SAMD4B: variants seen among roughly 807,000 people sequenced by gnomAD.
The protein encoded by SAMD4B is protein Smaug homolog 2.
SAMD4B carries 5 observed loss-of-function variants against 74.5 expected under a neutral mutation model. The ratio of observed to expected loss-of-function variants is 0.07; its 90% CI spans 0.04 to 0.14. The LOEUF (loss-of-function observed/expected upper bound fraction) is 0.14, where lower values mean the gene tolerates loss of function less well. Among genes scored for constraint, SAMD4B ranks in the 10% least tolerant of loss-of-function variants. The pLI, the probability that SAMD4B is intolerant of heterozygous loss-of-function variation, is 1.00. For synonymous variants in SAMD4B, 373 were observed against 374.9 expected, an observed-to-expected ratio of 1.00 and a Z score of 0.06; for missense variants, 608 against 921.8, an observed-to-expected ratio of 0.66 and a Z score of 4.41.
chr19:39,349,523 G>A (rs1663037062), intron 1 of SAMD4B, among the ~76,000 whole-genome samples: 1 of 152,158 alleles, frequency 6.6e-6, no homozygotes, highest in South Asian at 2.1e-4. Context: ...CTTTGCTAAT[G>A]CAGTGGTGTA....
rs906950429 is a variant in SAMD4B at position 39,378,156 on chromosome 19, TG to T, written c.1444+336del. On this transcript the variant is annotated intron_variant, in intron 8 of 13. Transcript: ENST00000610417. This position sits in a 1 kb window ranked among gnomAD's most constrained non-coding sequence, Gnocchi z 4.4. ...TCAGAGGGGACCAAAGTCCAGGGGA[TG>T]GGGATGGTGAAATTTATCACAGCTT... is the stretch of plus-strand genomic sequence containing the variant. Among the ~76,000 whole-genome samples, 2 of 152,010 alleles carry T rather than the reference TG, an allele frequency of 1.3e-5. No individual in the cohort carries two copies. Among genetic ancestry groups the T allele is most frequent in the African/African-American group, 4.8e-5 (2 of 41,392 alleles).
At chr19:39,387,967 A>C (rs1216084415), downstream of SAMD4B, among the ~76,000 whole-genome samples, 18 of 152,058 alleles carry the variant, frequency 1.2e-4, no homozygotes, top group African/African-American at 3.6e-4. Context: ...GTGAAACCCC[A>C]TCTCTATTAA....
downstream of SAMD4B, among the ~76,000 whole-genome samples, chr19:39,390,568 C>T (rs2078358377): frequency 6.6e-6 from 1 of 152,208 alleles, no homozygotes; most frequent in African/African-American, 2.4e-5. Context: ...TGTACTCAAT[C>T]GTCTTCGGAA....
At chr19:39,367,490 GTT>G (rs370783409) in intron 3 of SAMD4B, among the ~76,000 whole-genome samples, 2 of 141,368 alleles carry the variant, frequency 1.4e-5, no homozygotes, top group Non-Finnish European at 3.1e-5. Context: ...TGCTAATGAG[GTT>G]TTTTTTTTCT....
intron 2 of SAMD4B, 43 bp from the exon 3 acceptor site, chr19:39,356,646 T>G (rs1162540049): frequency 2.4e-6 from 1 of 408,932 alleles, no homozygotes; most frequent in Non-Finnish European, 4.4e-6. Context: ...CAGGCAAGTT[T>G]CAGCCCCTTC....
intron 10 of SAMD4B, 143 bp downstream of exon 10, chr19:39,380,227 C>T (rs750570226): frequency 4.5e-6 from 3 of 665,574 alleles, no homozygotes; most frequent in Non-Finnish European, 7.6e-6. Context: ...AGAAAATTTC[C>T]ACTAGAATAG....
chr19:39,383,951 G>T lies in SAMD4B; in HGVS notation c.*424G>T. 1.8e-6 allele frequency: 1 copy of T among 543,390 alleles called. No individual in the cohort carries two copies. Among genetic ancestry groups the T allele is most frequent in the Non-Finnish European group, 3.3e-6 (1 of 305,436 alleles). 33.7% of individuals were successfully genotyped at this position (543,390 alleles called of 1,614,324 possible). On this transcript the variant is annotated 3_prime_UTR_variant, in exon 14 of 14. Coordinates refer to ENST00000610417, the MANE Select transcript of SAMD4B (RefSeq NM_001384574.2). The surrounding 1 kb of genome is among the most constrained non-coding windows in gnomAD (Gnocchi z 4.1). ...AAACATTTGACATTTGGGGTGACGCGCAGGGCAGAGAACCTGCCCTCCAGA... is the reference window on the plus strand; with the variant it reads ...AAACATTTGACATTTGGGGTGACGCTCAGGGCAGAGAACCTGCCCTCCAGA...
intron 3 of SAMD4B, chr19:39,360,118 G>A (rs1009182938): frequency 2.0e-5 from 3 of 151,710 alleles, no homozygotes; most frequent in Non-Finnish European, 2.9e-5. Context: ...CCCGGGAGGC[G>A]GAGCTTGCAG....
chr19:39,379,617 C>T (rs2077828909), intron 9 of SAMD4B, among the ~76,000 whole-genome samples: 1 of 152,188 alleles, frequency 6.6e-6, no homozygotes, highest in Admixed American at 6.5e-5. Context: ...GTTGCCCAGG[C>T]TGGAGTGCAA....
In SAMD4B at chr19:39,369,839, C is replaced by A; in HGVS notation, c.381C>A (p.Ser127=). The change falls in exon 4 of 14, where the codon TCC becomes TCA. Residue 127 remains serine, a synonymous_variant. Transcript: ENST00000610417. ...TCGAGGAGAGTCGCCAGCTGCTTTC[C>A]TATGCCCTCATCCACCCAGCCACCA... ...AFIEESRQLL[S]YALIHPATTL... 1 of 1,614,246 alleles carries A rather than the reference C, an allele frequency of 6.2e-7. No homozygotes were observed. The highest frequency in any genetic ancestry group is 2.2e-5 in the East Asian group (1 of 44,890).
At chr19:39,355,544 A>G (rs939675566) in intron 2 of SAMD4B, among the ~76,000 whole-genome samples, 72 of 152,294 alleles carry the variant, frequency 4.7e-4, no homozygotes, top group African/African-American at 1.7e-3. Flanking sequence ...GTCCTTTGGC[A>G]GCCAGAGGGG....
downstream of SAMD4B, among the ~76,000 whole-genome samples, chr19:39,387,566 A>G (rs553615490): frequency 9.2e-5 from 14 of 152,290 alleles, no homozygotes; most frequent in African/African-American, 2.4e-4. Flanking sequence ...TGCCTGGCCT[A>G]TGGGGTCACA....
Position 39,383,495 on chromosome 19 carries a change from A to G in SAMD4B, c.2057-4A>G. ...TTCCTCCCTTCCTCCCTTTCTTACCACAGATGGGACAGACAAAACCTCCAC... is the reference window on the plus strand; with the variant it reads ...TTCCTCCCTTCCTCCCTTTCTTACCGCAGATGGGACAGACAAAACCTCCAC... On this transcript the variant is annotated splice_region_variant and splice_polypyrimidine_tract_variant and intron_variant, in intron 13 of 13. Coordinates refer to ENST00000610417, the MANE Select transcript of SAMD4B (RefSeq NM_001384574.2). This position sits in a 1 kb window ranked among gnomAD's most constrained non-coding sequence, Gnocchi z 4.1. 6.2e-7 allele frequency: 1 copy of G among 1,613,528 alleles called. No individual in the cohort carries two copies. The highest frequency in any genetic ancestry group is 8.5e-7 in the Non-Finnish European group (1 of 1,179,782).
Position 39,378,883 on chromosome 19 carries a change from G to A in SAMD4B, c.1530+294G>A, listed in dbSNP as rs543655170. ...CGCGCCACTGCACTCCAGCCTGGAC[G>A]ACAGAGTGAGGGAAAGCCTGCCCCA... is the stretch of plus-strand genomic sequence containing the variant. On this transcript the variant is annotated intron_variant, in intron 9 of 13. Coordinates refer to ENST00000610417, the MANE Select transcript of SAMD4B (RefSeq NM_001384574.2). This position sits in a 1 kb window ranked among gnomAD's most constrained non-coding sequence, Gnocchi z 4.4. 6.6e-5 allele frequency among the ~76,000 whole-genome samples: 10 copies of A among 152,358 alleles called. No individual in the cohort carries two copies. Among genetic ancestry groups the A allele is most frequent in the Admixed American group, 3.3e-4 (5 of 15,306 alleles).
At chr19:39,358,621 G>A (rs1000939724) in intron 3 of SAMD4B, among the ~76,000 whole-genome samples, 2 of 151,536 alleles carry the variant, frequency 1.3e-5, no homozygotes, top group Non-Finnish European at 2.9e-5. Context: ...AAAAAGAAAA[G>A]GAAAGAAAAA....
intron 3 of SAMD4B, among the ~76,000 whole-genome samples, chr19:39,366,777 A>T (rs563957987): frequency 1.3e-5 from 2 of 152,054 alleles, no homozygotes; most frequent in Non-Finnish European, 2.9e-5. Flanking sequence ...TTTTTAAGTC[A>T]ATCCTGAAGC....
intron 3 of SAMD4B, among the ~76,000 whole-genome samples, chr19:39,368,346 T>A (rs2077094359): frequency 6.6e-6 from 1 of 151,880 alleles, no homozygotes; most frequent in African/African-American, 2.4e-5. Context: ...AGGAAGGTAG[T>A]AAGTTAGGCC....
rs1409071333 is a variant in SAMD4B at position 39,385,512 on chromosome 19, C to T, written c.*1985C>T. The T allele has an allele frequency of 8.6e-6, 4 of 467,670 alleles. No homozygotes were observed. Among genetic ancestry groups the T allele is most frequent in the African/African-American group, 2.0e-5 (1 of 50,102 alleles). 29.0% of individuals were successfully genotyped at this position (467,670 alleles called of 1,614,324 possible). A position where few individuals can be genotyped will look rare whatever the true frequency, so the allele number is the denominator to read the frequency against. On this transcript the variant is annotated 3_prime_UTR_variant, in exon 14 of 14. Coordinates refer to ENST00000610417, the MANE Select transcript of SAMD4B (RefSeq NM_001384574.2). ...ACCCTGACCCTCTCCCGCTCCAGCCCCCTCCCCAGGCCCTCCTCCATGATT... is the reference window on the plus strand; with the variant it reads ...ACCCTGACCCTCTCCCGCTCCAGCCTCCTCCCCAGGCCCTCCTCCATGATT...
chr19:39,374,941 C>T (rs896132214), intron 4 of SAMD4B, among the ~76,000 whole-genome samples: 4 of 152,044 alleles, frequency 2.6e-5, no homozygotes, highest in South Asian at 2.1e-4. Flanking sequence ...GATAGAGTGA[C>T]GGATTGGGGC....
Sources: allele counts gnomAD v4.1 joint callset (sites outside exome capture counted in the v4.1 genomes callset), GRCh38; gene constraint gnomAD v4.1.1; non-coding constraint Gnocchi (gnomAD v3.1); transcripts MANE v1.5; gene names NCBI Gene and HGNC (gene_info 2026-07-23, HGNC 2026-07-21).